Variants in ABL1 observed in about 807,000 individuals in gnomAD.
ABL1 encodes ABL proto-oncogene 1, non-receptor tyrosine kinase, also known as tyrosine-protein kinase ABL1.
ABL1 carries 11 observed loss-of-function variants against 94.7 expected under a neutral mutation model. The observed-to-expected ratio is 0.12, with a 90% CI of 0.07 to 0.19. ABL1 has a LOEUF of 0.19. ABL1 is among the 10% of genes least tolerant of loss of function. ABL1 has a pLI of 1.00. For missense variants in ABL1, 1,082 were observed against 1,489.4 expected (o/e 0.73, Z 4.50); for synonymous variants, 656 against 622.4 (o/e 1.05, Z -0.80).
At chr9:130,839,978 C>T (rs936701095) in intron 1 of ABL1, among the ~76,000 whole-genome samples, 1 of 152,176 alleles carries the variant, frequency 6.6e-6, no homozygotes, top group Non-Finnish European at 1.5e-5. Context: ...TTGGTGTTCC[C>T]ATTTCTAAAA....
intron 1 of ABL1, among the ~76,000 whole-genome samples, chr9:130,760,852 A>G (rs142033432): frequency 6.8e-6 from 1 of 147,098 alleles, no homozygotes. Flanking sequence ...TTTTTGGTAG[A>G]GACGGGGTTT....
intron 1 of ABL1, among the ~76,000 whole-genome samples, chr9:130,735,961 A>ATATATATAT (rs573602038): frequency 2.4e-4 from 23 of 94,844 alleles, no homozygotes; most frequent in African/African-American, 1.2e-3. Context: ...ATATATATAT[A>ATATATATAT]TTTTTTTTTT....
At chr9:130,752,642 T>TTAA (rs1831980311) in intron 1 of ABL1, among the ~76,000 whole-genome samples, 2 of 152,094 alleles carry the variant, frequency 1.3e-5, no homozygotes, top group Non-Finnish European at 2.9e-5. Flanking sequence ...AATTAGGGTG[T>TTAA]GCTGCTGCCA....
Position 130,750,188 on chromosome 9 carries a change from A to AATAC in ABL1, c.136+35737_136+35740dup, listed in dbSNP as rs1268714411. 4.9e-5 allele frequency among the ~76,000 whole-genome samples: 4 copies of AATAC among 81,856 alleles called. No individual in the cohort carries two copies. In the East Asian group the frequency reaches 1.5e-3, roughly 31 times the overall value. 53.7% of individuals were successfully genotyped at this position (81,856 alleles called of 152,430 possible). On this transcript the variant is annotated intron_variant, in intron 1 of 10. Coordinates refer to the ABL1 transcript ENST00000372348. ...AGAGACCCTGACTCAAGAAAAAAAA[A>AATAC]ATACATATATATATATATATATATA...
intron 1 of ABL1, among the ~76,000 whole-genome samples, chr9:130,792,573 G>A (rs538424078): frequency 7.2e-5 from 11 of 152,112 alleles, no homozygotes; most frequent in Non-Finnish European, 1.5e-4. Flanking sequence ...ACAAGGAGAA[G>A]AAGTACGGAA....
chr9:130,760,483 A>G (rs1024992662), intron 1 of ABL1, among the ~76,000 whole-genome samples: 3 of 152,112 alleles, frequency 2.0e-5, no homozygotes, highest in African/African-American at 7.2e-5. Context: ...TGAAAGTAGG[A>G]TGTATTCTGA....
intron 1 of ABL1, among the ~76,000 whole-genome samples, chr9:130,800,798 A>G (rs777283345): frequency 2.0e-5 from 3 of 152,234 alleles, no homozygotes; most frequent in Non-Finnish European, 4.4e-5. Context: ...ACTAGTGGAT[A>G]ACATTAGATT....
chr9:130,835,564 C>G lies in ABL1; in HGVS notation c.79+39C>G, dbSNP rs779482853. 1.3e-6 allele frequency: 2 copies of G among 1,517,862 alleles called. No homozygotes were observed. The highest frequency in any genetic ancestry group is 2.4e-5 in the South Asian group (2 of 83,162). 94.0% of individuals were successfully genotyped at this position (1,517,862 alleles called of 1,614,324 possible). A position where few individuals can be genotyped will look rare whatever the true frequency, so the allele number is the denominator to read the frequency against. ...GCACGGGTTGGGCTGAGTAGCCGCG[C>G]GCCCTCCCGCTGCTGCTGGGCCCTT... On this transcript the variant is annotated intron_variant, in intron 1 of 10. Coordinates refer to ENST00000318560, the MANE Select transcript of ABL1 (RefSeq NM_005157.6). This position sits in a 1 kb window ranked among gnomAD's most constrained non-coding sequence, Gnocchi z 4.6.
At chr9:130,873,566 T>C (rs777526972) in intron 6 of ABL1, among the ~76,000 whole-genome samples, 4 of 152,254 alleles carry the variant, frequency 2.6e-5, no homozygotes, top group Non-Finnish European at 5.9e-5. Flanking sequence ...CTTGCTGTCC[T>C]CTGATTCAGG....
intron 4 of ABL1, among the ~76,000 whole-genome samples, chr9:130,867,729 G>T (rs116693676): frequency 6.6e-6 from 1 of 152,332 alleles, no homozygotes; most frequent in African/African-American, 2.4e-5. Flanking sequence ...CTCTCTGGCC[G>T]CACAAGGAGG....
upstream of ABL1, among the ~76,000 whole-genome samples, chr9:130,832,882 G>T (rs771326267): frequency 6.6e-6 from 1 of 152,214 alleles, no homozygotes; most frequent in Non-Finnish European, 1.5e-5. Context: ...GATATGGAAA[G>T]TATAGGCCAG....
At chr9:130,732,006 C>A (rs949259066) in intron 1 of ABL1, among the ~76,000 whole-genome samples, 2 of 151,816 alleles carry the variant, frequency 1.3e-5, no homozygotes, top group Non-Finnish European at 1.5e-5. Context: ...TTCCAATTCA[C>A]CTTTCTCTAT....
In ABL1 at chr9:130,884,174, G is replaced by A. The variant is rs765759226; in HGVS notation, c.1884G>A (p.Pro628=). The change falls in exon 11 of 11, where the codon CCG becomes CCA. Residue 628 remains proline, a synonymous_variant. Coordinates refer to ENST00000318560, the MANE Select transcript of ABL1 (RefSeq NM_005157.6). The surrounding 1 kb of genome is among the most constrained non-coding windows in gnomAD (Gnocchi z 5.6). ...SSSFREMDGQ[P]ERRGAGEEEG... ...CCTTCCGGGAGATGGACGGCCAGCC[G>A]GAGCGCAGAGGGGCCGGCGAGGAAG... 3.7e-5 allele frequency: 59 copies of A among 1,612,606 alleles called. No individual in the cohort carries two copies. The highest frequency in any genetic ancestry group is 1.7e-4 in the Admixed American group (10 of 59,782).
In ABL1 at chr9:130,841,990, G is replaced by C. The variant is rs529191871; in HGVS notation, c.79+6465G>C. Among the ~76,000 whole-genome samples the C allele has an allele frequency of 1.7e-3, 262 of 150,814 alleles. 2 individuals carry two copies. The highest frequency in any genetic ancestry group is 6.3e-3 in the African/African-American group (257 of 40,938). ...GAGACATAAGGGGGAAATCTATAGA[G>C]ACAGAGACTGAGAGACAAATACAAA... On this transcript the variant is annotated intron_variant, in intron 1 of 10. Coordinates refer to ENST00000318560, the MANE Select transcript of ABL1 (RefSeq NM_005157.6).
chr9:130,773,212 G>A lies in ABL1; in HGVS notation c.136+58757G>A, dbSNP rs188526633. ...GCACATGCCTGTAATCCTGCTACTC[G>A]GGAGGCTGAAGCAGGAGAATCACTT... On this transcript the variant is annotated intron_variant, in intron 1 of 10. Coordinates refer to the ABL1 transcript ENST00000372348. 4.0e-4 allele frequency among the ~76,000 whole-genome samples: 61 copies of A among 152,170 alleles called. 1 individual carries two copies. The highest frequency in any genetic ancestry group is 1.6e-4 in the Non-Finnish European group (11 of 68,002).
At chr9:130,783,750 G>C (rs1263734642) in intron 1 of ABL1, among the ~76,000 whole-genome samples, 1 of 152,058 alleles carries the variant, frequency 6.6e-6, no homozygotes, top group Non-Finnish European at 1.5e-5. Context: ...CTGCCTCCTG[G>C]GTTCAAGCGA....
chr9:130,880,960 C>T lies in ABL1; in HGVS notation c.1678+296C>T, dbSNP rs35748111. 0.03 allele frequency among the ~76,000 whole-genome samples: 4,642 copies of T among 152,320 alleles called. 108 individuals are homozygous for T. The highest frequency in any genetic ancestry group is 0.071 in the Middle Eastern group (21 of 294). ...TAGCCCATCTCCCACCTATTACCCG[C>T]GGCATCTGTGGTTGCTGTCTCAGAG... On this transcript the variant is annotated intron_variant, in intron 10 of 10. Transcript: ENST00000318560. The surrounding 1 kb of genome is among the most constrained non-coding windows in gnomAD (Gnocchi z 4.4).
intron 7 of ABL1, among the ~76,000 whole-genome samples, chr9:130,877,626 C>G (rs1831369600): frequency 6.8e-6 from 1 of 146,816 alleles, no homozygotes; most frequent in African/African-American, 2.6e-5. Flanking sequence ...GAGTCTTGTT[C>G]TGTCCTGGTC....
In ABL1 at chr9:130,743,380, T is replaced by C. The variant is rs1831844443; in HGVS notation, c.136+28925T>C. Among the ~76,000 whole-genome samples, 3 of 152,206 alleles carry C rather than the reference T, an allele frequency of 2.0e-5. No individual in the cohort carries two copies. The South Asian group carries it at 6.2e-4, about 31-fold the overall frequency. ...GAGCCACCACGCCCAGCCTAGTTTATTCTTTTAATAGTGCTTGGGGGAGGT... is the reference window on the plus strand; with the variant it reads ...GAGCCACCACGCCCAGCCTAGTTTACTCTTTTAATAGTGCTTGGGGGAGGT... On this transcript the variant is annotated intron_variant, in intron 1 of 10. Coordinates refer to the ABL1 transcript ENST00000372348.
Sources: allele counts gnomAD v4.1 joint callset (sites outside exome capture counted in the v4.1 genomes callset), GRCh38; gene constraint gnomAD v4.1.1; non-coding constraint Gnocchi (gnomAD v3.1); transcripts MANE v1.5; gene names NCBI Gene and HGNC (gene_info 2026-07-23, HGNC 2026-07-21).